ACYP2: variants seen among roughly 807,000 people sequenced by gnomAD.
ACYP2 encodes acylphosphatase-2.
In ACYP2, 12 loss-of-function variants were observed where a neutral mutation model predicts 11.2. The ratio of observed to expected loss-of-function variants is 1.08; its 90% CI spans 0.69 to 1.74. The LOEUF is 1.74. Among genes scored for constraint, ACYP2 ranks in the 40% most tolerant of loss-of-function variants. The pLI, the probability that ACYP2 is intolerant of heterozygous loss-of-function variation, is 0.00. For synonymous variants in ACYP2, 43 were observed against 32.2 expected, an observed-to-expected ratio of 1.33 and a Z score of -1.13; for missense variants, 134 against 101.9, an observed-to-expected ratio of 1.31 and a Z score of -1.35.
intron 6 of ACYP2, chr2:54,142,763 T>C (rs1306752199): frequency 6.6e-6 from 1 of 152,130 alleles, no homozygotes; most frequent in Non-Finnish European, 1.5e-5. Flanking sequence ...GAAGTGACAT[T>C]TTTATGATAT....
intron 6 of ACYP2, among the ~76,000 whole-genome samples, chr2:54,264,447 G>A (rs931752698): frequency 6.6e-5 from 10 of 152,216 alleles, no homozygotes; most frequent in Non-Finnish European, 1.5e-4. Flanking sequence ...CTCCCCACCC[G>A]ACCCAGAAGC....
intron 4 of ACYP2, among the ~76,000 whole-genome samples, chr2:54,065,271 G>C (rs1003622237): frequency 6.6e-6 from 1 of 152,140 alleles, no homozygotes; most frequent in African/African-American, 2.4e-5. Context: ...AGGCATCAAG[G>C]TTAGTCCTTA....
In ACYP2 at chr2:54,044,424, G is replaced by A. The variant is rs529721673; in HGVS notation, c.63-6534G>A. On this transcript the variant is annotated intron_variant, in intron 2 of 6. Transcript: ENST00000607452. ...AGCCTGGGCAATATGGCGAACCCCCGTGTCTACTAAAAATACCAAAAGAAA... is the reference window on the plus strand; with the variant it reads ...AGCCTGGGCAATATGGCGAACCCCCATGTCTACTAAAAATACCAAAAGAAA... Among the ~76,000 whole-genome samples, 9 of 150,240 alleles carry A rather than the reference G, an allele frequency of 6.0e-5. No homozygotes were observed. The South Asian group carries it at 1.7e-3, about 29-fold the overall frequency.
In ACYP2 at chr2:54,304,823, A is replaced by G. The variant is rs768171444; in HGVS notation, c.*21A>G. The G allele has an allele frequency of 1.2e-5, 16 of 1,343,228 alleles. No homozygotes were observed. The highest frequency in any genetic ancestry group is 1.6e-5 in the Non-Finnish European group (15 of 941,074). The allele number at this position is 1,343,228 out of a possible 1,614,324, so 83.2% of individuals were successfully genotyped here. A position where few individuals can be genotyped will look rare whatever the true frequency, so the allele number is the denominator to read the frequency against. On this transcript the variant is annotated 3_prime_UTR_variant, in exon 7 of 7. Coordinates refer to ENST00000607452, the MANE Select transcript of ACYP2 (RefSeq NM_001320586.2). ...ACTAATAGAAGAGAAAAATTGTAAC[A>G]CACTGAACAATAGATACTGTATGTT...
At chr2:54,037,376 A>G (rs1476297725) in intron 2 of ACYP2, among the ~76,000 whole-genome samples, 1 of 151,876 alleles carries the variant, frequency 6.6e-6, no homozygotes, top group African/African-American at 2.4e-5. Context: ...CAGCTTCCCA[A>G]ATTGCTGGGA....
chr2:54,216,395 T>C (rs1685560384), intron 6 of ACYP2, among the ~76,000 whole-genome samples: 1 of 152,170 alleles, frequency 6.6e-6, no homozygotes, highest in Non-Finnish European at 1.5e-5. Flanking sequence ...TATACAAATA[T>C]TTTACAACTT....
intron 6 of ACYP2, among the ~76,000 whole-genome samples, chr2:54,243,613 G>C (rs1686824161): frequency 6.6e-6 from 1 of 152,172 alleles, no homozygotes. Flanking sequence ...TCCTGCCTCA[G>C]CCTCCTGAGT....
In ACYP2 at chr2:54,121,872, G is replaced by A. The variant is rs534973760; in HGVS notation, c.278-13581G>A. 5.3e-5 allele frequency among the ~76,000 whole-genome samples: 8 copies of A among 152,276 alleles called. No individual in the cohort carries two copies. In the East Asian group the frequency reaches 7.7e-4, roughly 15 times the overall value. On this transcript the variant is annotated intron_variant, in intron 4 of 6. Coordinates refer to ENST00000607452, the MANE Select transcript of ACYP2 (RefSeq NM_001320586.2). ...TGGCTTGTTTTCATATCCCCTACAC[G>A]GCTACGCCTCTAGTGGGTCCTTCAA...
intron 6 of ACYP2, among the ~76,000 whole-genome samples, chr2:54,184,708 T>C (rs963352566): frequency 3.9e-5 from 6 of 152,210 alleles, no homozygotes; most frequent in Admixed American, 3.9e-4. Flanking sequence ...GGGAAGACAA[T>C]TTACTAGCCC....
At chr2:54,254,082 C>G (rs1687363831) in intron 6 of ACYP2, 1 of 152,212 alleles carries the variant, frequency 6.6e-6, no homozygotes, top group African/African-American at 2.4e-5. Context: ...CTGGTTGTGG[C>G]TGAGAAAGCC....
At chr2:54,181,693 A>C (rs1683736602) in intron 6 of ACYP2, among the ~76,000 whole-genome samples, 1 of 152,198 alleles carries the variant, frequency 6.6e-6, no homozygotes, top group Non-Finnish European at 1.5e-5. Context: ...TTAAGCACTT[A>C]CTATGTGCCA....
At chr2:54,127,646 G>A (rs1680614492) in intron 4 of ACYP2, among the ~76,000 whole-genome samples, 1 of 151,608 alleles carries the variant, frequency 6.6e-6, no homozygotes, top group African/African-American at 2.4e-5. Flanking sequence ...TACTCTAGAG[G>A]CTGAGGCCGG....
intron 6 of ACYP2, among the ~76,000 whole-genome samples, chr2:54,259,511 C>T (rs1240422724): frequency 6.6e-6 from 1 of 152,154 alleles, no homozygotes; most frequent in African/African-American, 2.4e-5. Flanking sequence ...GTGCAATGTG[C>T]TTGAAGCCAA....
chr2:54,032,825 CACAA>C (rs1188895477), intron 2 of ACYP2, among the ~76,000 whole-genome samples: 2 of 152,024 alleles, frequency 1.3e-5, no homozygotes, highest in African/African-American at 4.8e-5. Context: ...TAAAAGAGAA[CACAA>C]ACAAATGGAA....
rs556095963 is a variant in ACYP2, at chr2:54,170,364, C to G, written c.404+31616C>G. Reference sequence around the variant, plus strand: ...GACGGGGTTTCACCATGTTGGCCAGCCTGGTCTCGAACTCACAGCCTCAAG... The same window carrying G: ...GACGGGGTTTCACCATGTTGGCCAGGCTGGTCTCGAACTCACAGCCTCAAG... On this transcript the variant is annotated intron_variant, in intron 6 of 6. Transcript: ENST00000607452. 8.6e-5 allele frequency among the ~76,000 whole-genome samples: 13 copies of G among 151,978 alleles called. No individual in the cohort carries two copies. In the South Asian group the frequency reaches 2.1e-3, roughly 24 times the overall value.
intron 4 of ACYP2, among the ~76,000 whole-genome samples, chr2:54,115,241 T>C (rs900733272): frequency 1.3e-5 from 2 of 152,216 alleles, no homozygotes; most frequent in African/African-American, 4.8e-5. Flanking sequence ...ATGTAATCAT[T>C]TCACAATGCA....
At chr2:54,228,272 G>A (rs1384332647) in intron 6 of ACYP2, among the ~76,000 whole-genome samples, 1 of 152,206 alleles carries the variant, frequency 6.6e-6, no homozygotes, top group African/African-American at 2.4e-5. Flanking sequence ...TCTAAAGATA[G>A]TAGTGCAGTC....
At chr2:54,160,508 A>T (rs1682664590) in intron 6 of ACYP2, among the ~76,000 whole-genome samples, 1 of 152,212 alleles carries the variant, frequency 6.6e-6, no homozygotes, top group South Asian at 2.1e-4. Flanking sequence ...AAAGGCAGGG[A>T]TTGTCTGTCC....
chr2:54,154,081 A>G (rs1225317523), intron 6 of ACYP2, among the ~76,000 whole-genome samples: 3 of 151,480 alleles, frequency 2.0e-5, no homozygotes, highest in African/African-American at 7.3e-5. Flanking sequence ...GTTGTAAATG[A>G]GACTGTTTTC....
Sources: gnomAD v4.1 joint callset for allele counts (sites outside exome capture counted in the v4.1 genomes callset) on GRCh38, gnomAD v4.1.1 for gene constraint, MANE v1.5 for transcripts, NCBI Gene and HGNC (gene_info 2026-07-23, HGNC 2026-07-21) for gene names.